The following TRPC6 variants were observed in gnomAD, a reference collection of about 807,000 sequenced individuals.
The protein encoded by TRPC6 is short transient receptor potential channel 6.
In TRPC6, 55 loss-of-function variants were observed where a neutral mutation model predicts 90.7. The ratio of observed to expected loss-of-function variants is 0.61; its 90% CI spans 0.49 to 0.76. The LOEUF (loss-of-function observed/expected upper bound fraction) is 0.76, where lower values mean the gene tolerates loss of function less well. Ranked by LOEUF, TRPC6 falls within the 30% of genes least tolerant of loss-of-function variation. TRPC6 has a pLI of 0.00. For missense variants in TRPC6, 989 were observed against 1,122.7 expected (o/e 0.88, Z 1.70); for synonymous variants, 393 against 393.0 (o/e 1.00, Z 0.00).
intron 1 of TRPC6, among the ~76,000 whole-genome samples, chr11:101,536,185 G>A (rs985465089): frequency 3.9e-5 from 6 of 152,184 alleles, no homozygotes; most frequent in African/African-American, 1.4e-4. Flanking sequence ...TCAGGAGTTT[G>A]AGACCAGCCT....
At chr11:101,556,910 A>C (rs749949099) in intron 1 of TRPC6, among the ~76,000 whole-genome samples, 2 of 152,220 alleles carry the variant, frequency 1.3e-5, no homozygotes, top group Non-Finnish European at 2.9e-5. Context: ...AACATACACA[A>C]ATTAATAAAT....
chr11:101,571,904 A>C (rs1861972584), intron 1 of TRPC6, among the ~76,000 whole-genome samples: 1 of 152,226 alleles, frequency 6.6e-6, no homozygotes. Flanking sequence ...TAAGACCTAA[A>C]ACCATAAAAA....
At chr11:101,527,034 ATAT>A (rs949755049) in intron 1 of TRPC6, among the ~76,000 whole-genome samples, 4 of 151,392 alleles carry the variant, frequency 2.6e-5, no homozygotes, top group African/African-American at 9.7e-5. Flanking sequence ...ATTTCAAAAA[ATAT>A]TATATAGCTG....
chr11:101,468,329 G>A (rs1294474813), intron 10 of TRPC6, among the ~76,000 whole-genome samples: 1 of 152,084 alleles, frequency 6.6e-6, no homozygotes, highest in Non-Finnish European at 1.5e-5. Context: ...ATGGGCGATG[G>A]TTGACATGCT....
intron 1 of TRPC6, among the ~76,000 whole-genome samples, chr11:101,577,246 C>T (rs1862088889): frequency 6.6e-6 from 1 of 151,576 alleles, no homozygotes; most frequent in Non-Finnish European, 1.5e-5. Flanking sequence ...TTCTAGACCA[C>T]TACATATGTA....
intron 11 of TRPC6, among the ~76,000 whole-genome samples, chr11:101,454,138 C>T (rs1461277784): frequency 6.6e-6 from 1 of 152,094 alleles, no homozygotes; most frequent in African/African-American, 2.4e-5. Context: ...AAAAATGGAA[C>T]CAATTTTTAT....
intron 5 of TRPC6, among the ~76,000 whole-genome samples, chr11:101,479,487 T>C (rs533651940): frequency 9.8e-5 from 15 of 152,358 alleles, no homozygotes; most frequent in Admixed American, 9.1e-4. Flanking sequence ...CAACTTTTTG[T>C]CAACTAAAAA....
chr11:101,554,083 G>T (rs78738080), intron 1 of TRPC6, among the ~76,000 whole-genome samples: 1 of 152,032 alleles, frequency 6.6e-6, no homozygotes, highest in African/African-American at 2.4e-5. Flanking sequence ...TTCACTGGCC[G>T]GTGACTTTTA....
At chr11:101,484,469 T>C (rs957398417) in intron 4 of TRPC6, among the ~76,000 whole-genome samples, 1 of 152,144 alleles carries the variant, frequency 6.6e-6, no homozygotes, top group Non-Finnish European at 1.5e-5. Flanking sequence ...CCTTTATTTG[T>C]CTATATGGTT....
chr11:101,466,311 G>A (rs542393352), intron 10 of TRPC6, among the ~76,000 whole-genome samples: 7 of 152,274 alleles, frequency 4.6e-5, no homozygotes, highest in Admixed American at 2.0e-4. Flanking sequence ...GCCCACAGCC[G>A]CCCCTTCCCC....
At position 101,452,357 on chromosome 11, in the gene TRPC6, A is replaced by C. The variant is rs1219359853; in HGVS notation, c.*598T>G. The stretch of plus-strand genomic sequence containing the variant: ...AAAAACTTTTTTCATTGTTAAGTGT[A>C]ATGTTTTCAAATAGATGAATCAGAA... On this transcript the variant is annotated 3_prime_UTR_variant, in exon 13 of 13. Transcript: ENST00000344327. The C allele has an allele frequency of 6.5e-6, 1 of 153,952 alleles. No homozygotes were observed. Among genetic ancestry groups the C allele is most frequent in the Non-Finnish European group, 1.4e-5 (1 of 69,218 alleles). 9.5% of individuals were successfully genotyped at this position (153,952 alleles called of 1,614,324 possible).
intron 1 of TRPC6, among the ~76,000 whole-genome samples, chr11:101,556,976 G>T (rs1442776641): frequency 6.6e-6 from 1 of 152,148 alleles, no homozygotes; most frequent in Non-Finnish European, 1.5e-5. Context: ...CATCTAATTA[G>T]ATATAGGAAA....
At chr11:101,481,298 C>T (rs1313586851) in intron 5 of TRPC6, among the ~76,000 whole-genome samples, 1 of 152,124 alleles carries the variant, frequency 6.6e-6, no homozygotes, top group African/African-American at 2.4e-5. Context: ...TATGAAAATC[C>T]CTGAGCCTAA....
chr11:101,554,618 G>C (rs1861521134), intron 1 of TRPC6, among the ~76,000 whole-genome samples: 1 of 152,028 alleles, frequency 6.6e-6, no homozygotes, highest in African/African-American at 2.4e-5. Flanking sequence ...CCCAGTGCCA[G>C]GCAATGGGAA....
Position 101,455,064 on chromosome 11 carries a change from T to A in TRPC6, c.2522A>T (p.Glu841Val). Reference protein sequence around the residue: ...HNKQPSIRSSEDFHLNSFNNP... With the variant: ...HNKQPSIRSSVDFHLNSFNNP... Reference sequence around the variant, plus strand: ...ATTGAAACTATTTAGATGGAAATCTTCTGAGCTCCTTATACTTGGTTGTTT... The same window carrying A: ...ATTGAAACTATTTAGATGGAAATCTACTGAGCTCCTTATACTTGGTTGTTT... The change falls in exon 11 of 13, where the codon GAA becomes GTA. Residue 841 changes from glutamate (E) to valine (V), a missense_variant. Glu to Val is a moderately radical substitution (Grantham distance 121, BLOSUM62 -2). Around this residue, in one of 4 missense-constraint regions of TRPC6, gnomAD observed 191 missense variants for 196.7 expected, o/e 0.97. Transcript: ENST00000344327. 6.2e-7 allele frequency: 1 copy of A among 1,612,674 alleles called. No individual in the cohort carries two copies. The highest frequency in any genetic ancestry group is 8.5e-7 in the Non-Finnish European group (1 of 1,179,106).
chr11:101,478,189 C>T (rs1277068501), intron 5 of TRPC6, among the ~76,000 whole-genome samples: 1 of 152,222 alleles, frequency 6.6e-6, no homozygotes, highest in Non-Finnish European at 1.5e-5. Context: ...AAGAGCACGT[C>T]ATGTGCCTTT....
chr11:101,472,700 GATA>G (rs1458390588), intron 7 of TRPC6, among the ~76,000 whole-genome samples: 1 of 152,034 alleles, frequency 6.6e-6, no homozygotes, highest in Admixed American at 6.6e-5. Flanking sequence ...ATATCCAATA[GATA>G]ATAATCATAT....
chr11:101,470,811 CCCCCCCCT>C (rs749968387), intron 9 of TRPC6, among the ~76,000 whole-genome samples: 1,206 of 51,856 alleles, frequency 0.023, 45 homozygotes, highest in African/African-American at 0.14. Flanking sequence ...TGCCCCGCCC[CCCCCCCCT>C]CCCCGAGTCA....
intron 1 of TRPC6, among the ~76,000 whole-genome samples, chr11:101,523,467 T>G (rs940277120): frequency 2.6e-5 from 4 of 152,238 alleles, no homozygotes; most frequent in Non-Finnish European, 5.9e-5. Flanking sequence ...ACTGAACAGT[T>G]GCCATTGTCT....
Sources: allele counts gnomAD v4.1 joint callset (sites outside exome capture counted in the v4.1 genomes callset), GRCh38; gene constraint gnomAD v4.1.1; regional missense constraint gnomAD v4.1.1; transcripts MANE v1.5; gene names NCBI Gene and HGNC (gene_info 2026-07-23, HGNC 2026-07-21).